Variants in TPTE2 observed in about 807,000 individuals in gnomAD.
TPTE2 encodes phosphatidylinositol 3,4,5-trisphosphate 3-phosphatase TPTE2.
TPTE2 carries 53 observed loss-of-function variants against 78.6 expected under a neutral mutation model. That is an observed-to-expected ratio of 0.67 (90% CI 0.54 to 0.85). The LOEUF (loss-of-function observed/expected upper bound fraction) is 0.85. TPTE2 is among the 40% of genes least tolerant of loss of function. The pLI, the probability that TPTE2 is intolerant of heterozygous loss-of-function variation, is 0.00. For missense variants in TPTE2, 461 were observed against 623.0 expected (o/e 0.74, Z 2.77); for synonymous variants, 175 against 206.2 (o/e 0.85, Z 1.30).
intron 6 of TPTE2, among the ~76,000 whole-genome samples, chr13:19,472,970 T>C (rs546779586): frequency 6.6e-6 from 1 of 152,336 alleles, no homozygotes; most frequent in South Asian, 2.1e-4. Context: ...GGTACTGCCT[T>C]AATGGTCTTG....
chr13:19,506,995 T>A (rs1352819375), upstream of TPTE2, among the ~76,000 whole-genome samples: 3 of 152,180 alleles, frequency 2.0e-5, no homozygotes, highest in African/African-American at 7.2e-5. Context: ...AAGAAAAGGA[T>A]GTTACATACA....
chr13:19,423,841 C>A (rs772848138), intron 19 of TPTE2, among the ~76,000 whole-genome samples: 1 of 152,148 alleles, frequency 6.6e-6, no homozygotes, highest in Non-Finnish European at 1.5e-5. Flanking sequence ...AGGAAAAAAA[C>A]GGTATCCTTT....
At chr13:19,532,968 A>C (rs2137749962) in intron 1 of TPTE2, among the ~76,000 whole-genome samples, 1 of 152,346 alleles carries the variant, frequency 6.6e-6, no homozygotes, top group African/African-American at 2.4e-5. Context: ...CCTCAAGGTC[A>C]AGGAGTACTT....
intron 5 of TPTE2, among the ~76,000 whole-genome samples, chr13:19,474,669 G>C (rs1422346847): frequency 6.6e-6 from 1 of 152,176 alleles, no homozygotes; most frequent in African/African-American, 2.4e-5. Context: ...GCCACTTGCT[G>C]TTACATATTC....
chr13:19,431,930 C>T (rs1336271382), intron 16 of TPTE2, among the ~76,000 whole-genome samples: 1 of 102,872 alleles, frequency 9.7e-6, no homozygotes, highest in Non-Finnish European at 2.2e-5. Flanking sequence ...TCCACACAGA[C>T]ACATCCTGCT....
chr13:19,424,580 G>C (rs1875876058), intron 19 of TPTE2, among the ~76,000 whole-genome samples: 1 of 152,148 alleles, frequency 6.6e-6, no homozygotes, highest in Non-Finnish European at 1.5e-5. Flanking sequence ...AGTTGATGGT[G>C]GTTCGTCATT....
chr13:19,527,133 G>A (rs1039023081), intron 1 of TPTE2, among the ~76,000 whole-genome samples: 9 of 151,892 alleles, frequency 5.9e-5, no homozygotes, highest in Non-Finnish European at 1.2e-4. Flanking sequence ...TGGCAAAACC[G>A]CATCTCTACA....
chr13:19,548,928 G>C, the TPTE2 span, among the ~76,000 whole-genome samples: 6 of 152,042 alleles, frequency 3.9e-5, no homozygotes, highest in African/African-American at 1.4e-4. Flanking sequence ...AGACCAGCCT[G>C]GCCAACATGG....
At chr13:19,493,061 A>G (rs963851174) in intron 2 of TPTE2, among the ~76,000 whole-genome samples, 158 bp from the exon 6 acceptor site, 1 of 152,158 alleles carries the variant, frequency 6.6e-6, no homozygotes, top group South Asian at 2.1e-4. Flanking sequence ...AAGGGTGGCA[A>G]TTACACTAAC....
exon 20 of TPTE2, chr13:19,423,115 A>G (rs745796905): frequency 4.6e-5 from 74 of 1,611,898 alleles, no homozygotes; most frequent in Non-Finnish European, 5.3e-5. Flanking sequence ...TAAATTTTCC[A>G]TGCTTTTTGT....
intron 1 of TPTE2, among the ~76,000 whole-genome samples, chr13:19,512,495 C>G (rs1335640978): frequency 6.6e-6 from 1 of 152,148 alleles, no homozygotes; most frequent in African/African-American, 2.4e-5. Flanking sequence ...GGCATTGAAA[C>G]TTATTCTTCA....
chr13:19,549,122 A>T, the TPTE2 span, among the ~76,000 whole-genome samples: 2 of 151,092 alleles, frequency 1.3e-5, no homozygotes, highest in Admixed American at 1.3e-4. Flanking sequence ...TCTGTCTCAA[A>T]AAAAAAAAAA....
chr13:19,455,350 T>C (rs1054208841), intron 10 of TPTE2, among the ~76,000 whole-genome samples: 1 of 152,232 alleles, frequency 6.6e-6, no homozygotes, highest in Non-Finnish European at 1.5e-5. Context: ...CAACTTTTCC[T>C]GAATCCAAGC....
At chr13:19,551,565 GAC>G in the TPTE2 span, among the ~76,000 whole-genome samples, 8 of 150,128 alleles carry the variant, frequency 5.3e-5, no homozygotes, top group Admixed American at 5.4e-4. Flanking sequence ...CAGCCTGAGA[GAC>G]AGAGAGAGAA....
intron 13 of TPTE2, among the ~76,000 whole-genome samples, chr13:19,440,438 A>C (rs1420062660): frequency 1.4e-5 from 2 of 146,632 alleles, no homozygotes; most frequent in Non-Finnish European, 3.0e-5. Flanking sequence ...TAAAAAAAAA[A>C]CACTCAAGAA....
chr13:19,544,354 C>A, the TPTE2 span, among the ~76,000 whole-genome samples: 1 of 151,960 alleles, frequency 6.6e-6, no homozygotes, highest in Admixed American at 6.6e-5. Flanking sequence ...GATCAACAGT[C>A]TTTTTAACTT....
chr13:19,491,333 A>C (rs113248258), intron 3 of TPTE2, among the ~76,000 whole-genome samples: 7 of 152,332 alleles, frequency 4.6e-5, no homozygotes, highest in African/African-American at 1.7e-4. Flanking sequence ...TGACACTATT[A>C]GCAAATACAT....
At chr13:19,537,281 TG>T, upstream of TPTE2, among the ~76,000 whole-genome samples, 2 of 151,272 alleles carry the variant, frequency 1.3e-5, no homozygotes, top group Non-Finnish European at 2.9e-5. Context: ...TCACCCAGGC[TG>T]GAGTGCAGTG....
rs142949781 is a variant in TPTE2, at chr13:19,496,844, A to T, written c.12-3343T>A. On this transcript the variant is annotated intron_variant, in intron 1 of 19. Transcript: ENST00000400230. ...GCTCCGGTCTACAGCTCCCAGCGTG[A>T]GCGACGCGGAAGACAGTGATTTCTG... is the stretch of plus-strand genomic sequence containing the variant. Among the ~76,000 whole-genome samples, 271 of 152,316 alleles carry T rather than the reference A, an allele frequency of 1.8e-3. 2 individuals are homozygous for T. Among genetic ancestry groups the T allele is most frequent in the East Asian group, 7.7e-3 (40 of 5,172 alleles).
Sources: gnomAD v4.1 joint callset for allele counts (sites outside exome capture counted in the v4.1 genomes callset) on GRCh38, gnomAD v4.1.1 for gene constraint, MANE v1.5 for transcripts, NCBI Gene and HGNC (gene_info 2026-07-23, HGNC 2026-07-21) for gene names.